The following CSMD1 variants were observed in gnomAD, a reference collection of about 807,000 sequenced individuals.
CSMD1 encodes the protein CUB and sushi domain-containing protein 1.
CSMD1 carries 213 observed loss-of-function variants against 417.5 expected under a neutral mutation model. That is an observed-to-expected ratio of 0.51 (90% CI 0.46 to 0.57). The LOEUF is 0.57. Ranked by LOEUF, CSMD1 falls within the 20% of genes least tolerant of loss-of-function variation. The probability of loss-of-function intolerance (pLI) is 0.00; values close to 1 mark genes in which losing one functional copy is unlikely to be tolerated. For synonymous variants in CSMD1, 2,862 were observed against 1,736.8 expected (o/e 1.65, Z -16.11); for missense variants, 6,923 against 4,529.7 (o/e 1.53, Z -15.17).
chr8:4,195,009 T>C (rs1799248530), intron 3 of CSMD1, among the ~76,000 whole-genome samples: 1 of 152,196 alleles, frequency 6.6e-6, no homozygotes, highest in Non-Finnish European at 1.5e-5. Context: ...TTCCATCTCT[T>C]CACATTGTAA....
intron 1 of CSMD1, among the ~76,000 whole-genome samples, chr8:4,804,850 G>A (rs1798501441): frequency 6.6e-6 from 1 of 152,158 alleles, no homozygotes; most frequent in South Asian, 2.1e-4. Flanking sequence ...ATACAGACAT[G>A]GCTCATTGTC....
intron 5 of CSMD1, among the ~76,000 whole-genome samples, chr8:3,933,166 C>G (rs2930334): frequency 0.4 from 56,841 of 140,438 alleles, 12,907 homozygotes; most frequent in Admixed American, 0.47. Flanking sequence ...AAGTCCACCT[C>G]CGTGGTAATA....
At chr8:3,816,635 G>C (rs541557986) in intron 5 of CSMD1, among the ~76,000 whole-genome samples, 1 of 152,036 alleles carries the variant, frequency 6.6e-6, no homozygotes, top group South Asian at 2.1e-4. Flanking sequence ...AGAATAATTT[G>C]GATGTTTCTA....
chr8:4,497,798 T>C (rs897920751), intron 2 of CSMD1, among the ~76,000 whole-genome samples: 3 of 152,188 alleles, frequency 2.0e-5, no homozygotes, highest in African/African-American at 7.2e-5. Context: ...AGCAGAAAGA[T>C]TGGTAGCAAG....
intron 1 of CSMD1, among the ~76,000 whole-genome samples, chr8:4,844,388 T>G (rs1801015041): frequency 6.6e-6 from 1 of 152,064 alleles, no homozygotes; most frequent in South Asian, 2.1e-4. Flanking sequence ...CATAGGAAAT[T>G]AACAGATCTG....
chr8:4,818,061 G>A (rs1015255869), intron 1 of CSMD1, among the ~76,000 whole-genome samples: 3 of 152,108 alleles, frequency 2.0e-5, no homozygotes, highest in Non-Finnish European at 4.4e-5. Flanking sequence ...TGAATTGCAA[G>A]GTAACCAACT....
chr8:4,375,693 A>G (rs1376078706), intron 3 of CSMD1, among the ~76,000 whole-genome samples: 2 of 152,140 alleles, frequency 1.3e-5, no homozygotes. Flanking sequence ...GAGAGGGGTA[A>G]TTAAAGGTCT....
intron 2 of CSMD1, among the ~76,000 whole-genome samples, chr8:4,574,771 A>G (rs1040547616): frequency 2.0e-5 from 3 of 152,218 alleles, no homozygotes; most frequent in African/African-American, 7.2e-5. Flanking sequence ...GCACAATGAA[A>G]GCAACACTCA....
At chr8:3,065,738 A>T (rs534626036) in intron 49 of CSMD1, among the ~76,000 whole-genome samples, 1 of 152,238 alleles carries the variant, frequency 6.6e-6, no homozygotes, top group Non-Finnish European at 1.5e-5. Flanking sequence ...AAAGCATCTG[A>T]TAAGTATTTT....
intron 1 of CSMD1, among the ~76,000 whole-genome samples, chr8:4,970,555 TG>T (rs1248152182): frequency 6.6e-6 from 1 of 152,056 alleles, no homozygotes; most frequent in East Asian, 1.9e-4. Context: ...GGACAACAGG[TG>T]GTATGAACAA....
intron 2 of CSMD1, among the ~76,000 whole-genome samples, chr8:4,439,452 C>G (rs1220371216): frequency 1.3e-5 from 2 of 152,006 alleles, no homozygotes; most frequent in African/African-American, 4.8e-5. Context: ...TAACTTTTTC[C>G]TAACATTCTT....
At chr8:3,498,047 A>G (rs1796440118) in intron 10 of CSMD1, among the ~76,000 whole-genome samples, 1 of 152,106 alleles carries the variant, frequency 6.6e-6, no homozygotes, top group Non-Finnish European at 1.5e-5. Flanking sequence ...TACAACTCTA[A>G]TGTATAGCTT....
At chr8:3,036,572 G>T (rs542067013) in intron 50 of CSMD1, among the ~76,000 whole-genome samples, 2 of 152,278 alleles carry the variant, frequency 1.3e-5, no homozygotes, top group African/African-American at 4.8e-5. Flanking sequence ...AAAGTGTGCA[G>T]TCTAGCACTA....
intron 3 of CSMD1, among the ~76,000 whole-genome samples, chr8:4,412,758 C>A (rs542406715): frequency 6.6e-6 from 1 of 152,282 alleles, no homozygotes; most frequent in Admixed American, 6.5e-5. Flanking sequence ...AATTAGACTA[C>A]TTACATTGAT....
At chr8:3,500,369 G>A (rs7845162) in intron 10 of CSMD1, among the ~76,000 whole-genome samples, 2,448 of 152,204 alleles carry the variant, frequency 0.016, 63 homozygotes, top group African/African-American at 0.056. Flanking sequence ...AGCCACTGTG[G>A]CCAGTGAGCA....
chr8:4,771,512 C>A (rs1485899047), intron 1 of CSMD1, among the ~76,000 whole-genome samples: 2 of 152,190 alleles, frequency 1.3e-5, no homozygotes, highest in Admixed American at 1.3e-4. Context: ...ATTACTGATT[C>A]ATTTAGAAGT....
chr8:3,680,587 C>T (rs1415582721), intron 7 of CSMD1, among the ~76,000 whole-genome samples: 1 of 152,308 alleles, frequency 6.6e-6, no homozygotes, highest in Non-Finnish European at 1.5e-5. Context: ...GATGGATTCA[C>T]AGCCGATTTC....
chr8:4,187,840 A>G (rs984779728), intron 3 of CSMD1, among the ~76,000 whole-genome samples: 18 of 152,252 alleles, frequency 1.2e-4, no homozygotes, highest in Middle Eastern at 3.4e-3. Context: ...ACTTGCTGAG[A>G]CTATTTCATA....
chr8:3,095,341 C>G (rs955957197), intron 47 of CSMD1, among the ~76,000 whole-genome samples: 1 of 152,080 alleles, frequency 6.6e-6, no homozygotes, highest in Non-Finnish European at 1.5e-5. Flanking sequence ...CTCTCTTCTT[C>G]CTCAACAAGA....
Sources: allele counts gnomAD v4.1 joint callset (sites outside exome capture counted in the v4.1 genomes callset), GRCh38; gene constraint gnomAD v4.1.1; transcripts MANE v1.5; gene names NCBI Gene and HGNC (gene_info 2026-07-23, HGNC 2026-07-21).